The following HEATR5A variants were observed in gnomAD, a reference collection of about 807,000 sequenced individuals.
HEATR5A encodes the protein HEAT repeat containing 5A.
HEATR5A carries 178 observed loss-of-function variants against 218.8 expected under a neutral mutation model. The observed-to-expected ratio is 0.81, with a 90% CI of 0.72 to 0.92. HEATR5A has a LOEUF of 0.92. Among genes scored for constraint, HEATR5A ranks in the 40% least tolerant of loss-of-function variants. The pLI, the probability that HEATR5A is intolerant of heterozygous loss-of-function variation, is 0.00. For missense variants in HEATR5A, 2,420 were observed against 2,418.9 expected, an observed-to-expected ratio of 1.00 and a Z score of -0.01; for synonymous variants, 864 against 871.6, an observed-to-expected ratio of 0.99 and a Z score of 0.15.
At chr14:31,386,369 ACAAAGTT>A in intron 9 of HEATR5A, 44 bp downstream of exon 9, 1 of 1,443,394 alleles carries the variant, frequency 6.9e-7, no homozygotes, top group Admixed American at 2.2e-5. Context: ...CTTCCTTGGA[ACAAAGTT>A]ATCTAGTGTA....
At chr14:31,411,155 T>C (rs1423752715) in intron 1 of HEATR5A, among the ~76,000 whole-genome samples, 1 of 151,874 alleles carries the variant, frequency 6.6e-6, no homozygotes, top group Non-Finnish European at 1.5e-5. Context: ...TAGAAAAAAA[T>C]ATTATTTATC....
At chr14:31,346,473 C>G (rs565269806) in intron 19 of HEATR5A, among the ~76,000 whole-genome samples, 1 of 152,136 alleles carries the variant, frequency 6.6e-6, no homozygotes, top group South Asian at 2.1e-4. Flanking sequence ...GGTGGTTATA[C>G]TGGATCTTAA....
At chr14:31,359,729 C>CAAAAAAAAAAAAAAA (rs376157768) in intron 14 of HEATR5A, among the ~76,000 whole-genome samples, 3 of 32,198 alleles carry the variant, frequency 9.3e-5, no homozygotes, top group African/African-American at 2.5e-4. Flanking sequence ...CATCTCAAGA[C>CAAAAAAAAAAAAAAA]AAAAAAAAAA....
At chr14:31,379,437 A>C (rs1446537751) in intron 11 of HEATR5A, among the ~76,000 whole-genome samples, 1 of 151,302 alleles carries the variant, frequency 6.6e-6, no homozygotes, top group East Asian at 1.9e-4. Flanking sequence ...TTTAGTAGAG[A>C]TGGGGTTTCA....
At chr14:31,418,926 T>TA (rs551417573) in intron 1 of HEATR5A, among the ~76,000 whole-genome samples, 16 of 152,250 alleles carry the variant, frequency 1.1e-4, no homozygotes, top group Middle Eastern at 3.4e-3. Context: ...TAAAGACAAG[T>TA]AAAAAAATAA....
intron 28 of HEATR5A, among the ~76,000 whole-genome samples, chr14:31,311,656 C>T (rs1193436324): frequency 6.6e-6 from 1 of 151,326 alleles, no homozygotes; most frequent in Non-Finnish European, 1.5e-5. Context: ...CAACCACAAA[C>T]GAATAGTGTT....
rs80009860 is a variant in HEATR5A at position 31,358,142 on chromosome 14, T to C, written c.2411+495A>G. On this transcript the variant is annotated intron_variant, in intron 16 of 35. Transcript: ENST00000543095. ...AAAACCTCCTCCTATCCCTACGCCA[T>C]GGACGAACTGTCTTTCGCCATACTG... Among the ~76,000 whole-genome samples, 1,328 of 152,314 alleles carry C rather than the reference T, an allele frequency of 8.7e-3. 17 individuals are homozygous for C. Among genetic ancestry groups the C allele is most frequent in the African/African-American group, 0.03 (1,237 of 41,556 alleles).
In HEATR5A at chr14:31,343,923, G is replaced by C. The variant is rs779431459; in HGVS notation, c.3201C>G (p.Asn1067Lys). 1 of 1,607,854 alleles carries C rather than the reference G, an allele frequency of 6.2e-7. No individual in the cohort carries two copies. The highest frequency in any genetic ancestry group is 1.1e-5 in the South Asian group (1 of 89,558). Residue 1067 changes from asparagine (N) to lysine (K), a missense_variant, in exon 21 of 36, where the codon AAC (asparagine) becomes AAG (lysine). Asn to Lys is a moderately conservative substitution (Grantham distance 94, BLOSUM62 0). Coordinates refer to ENST00000543095, the MANE Select transcript of HEATR5A (RefSeq NM_015473.4). ...QLHMFAPRHVNLSSLVSCLCV... is the reference protein window; with the variant it reads ...QLHMFAPRHVKLSSLVSCLCV... Reference sequence around the variant, plus strand: ...AGAGGCAGCTAACCAGGCTAGACAAGTTGACATGTCGTGGAGCAAACATAT... The same window carrying C: ...AGAGGCAGCTAACCAGGCTAGACAACTTGACATGTCGTGGAGCAAACATAT...
intron 1 of HEATR5A, among the ~76,000 whole-genome samples, chr14:31,407,166 C>T (rs2031099193): frequency 6.6e-6 from 1 of 152,038 alleles, no homozygotes; most frequent in African/African-American, 2.4e-5. Flanking sequence ...TGGTGCACAC[C>T]TGCAGTCCCA....
Position 31,308,872 on chromosome 14 carries a change from C to T in HEATR5A, c.4690+62G>A, listed in dbSNP as rs543829868. ...CCTGGGTGAAAGAGCAAAACTCCAT[C>T]TCAAAAAAAAAAAAACAAAAAACCC... On this transcript the variant is annotated intron_variant, in intron 29 of 35. Transcript: ENST00000543095. 3.7e-6 allele frequency: 5 copies of T among 1,351,122 alleles called. No individual in the cohort carries two copies. The Middle Eastern group carries it at 7.3e-4, about 199-fold the overall frequency. The allele number at this position is 1,351,122 out of a possible 1,614,324, so 83.7% of individuals were successfully genotyped here. A position where few individuals can be genotyped will look rare whatever the true frequency, so the allele number is the denominator to read the frequency against.
rs375532231 is a variant in HEATR5A, at chr14:31,386,582, G to C, written c.1190-7C>G. ...CCATCACTCATTACGGCATCTGATA[G>C]AAATGCAAGAATTAACTATGCATAA... On this transcript the variant is annotated splice_polypyrimidine_tract_variant and splice_region_variant and intron_variant, in intron 8 of 35. Coordinates refer to ENST00000543095, the MANE Select transcript of HEATR5A (RefSeq NM_015473.4). The C allele has an allele frequency of 8.3e-6, 13 of 1,565,208 alleles. No individual in the cohort carries two copies. In the African/African-American group the frequency reaches 1.8e-4, roughly 21 times the overall value.
rs528958529 is a variant in HEATR5A, at chr14:31,347,723, G to A, written c.2868+25C>T. 2.0e-6 allele frequency: 3 copies of A among 1,489,812 alleles called. No homozygotes were observed. In the African/African-American group the frequency reaches 4.3e-5, roughly 21 times the overall value. The allele number at this position is 1,489,812 out of a possible 1,614,324, so 92.3% of individuals were successfully genotyped here. On this transcript the variant is annotated intron_variant, in intron 19 of 35. Coordinates refer to ENST00000543095, the MANE Select transcript of HEATR5A (RefSeq NM_015473.4). Reference sequence around the variant, plus strand: ...ATCATCTAAAAATCATGAATTTCAAGGGAAGTATCACATGAGGTACCCACC... The same window carrying A: ...ATCATCTAAAAATCATGAATTTCAAAGGAAGTATCACATGAGGTACCCACC...
intron 3 of HEATR5A, 63 bp from the exon 4 acceptor site, chr14:31,398,844 G>T: frequency 1.2e-6 from 1 of 863,960 alleles, no homozygotes; most frequent in South Asian, 1.5e-5. Context: ...AAAGATCTTA[G>T]GATATGTAAG....
At chr14:31,412,236 G>A (rs367559806) in intron 1 of HEATR5A, among the ~76,000 whole-genome samples, 2 of 152,208 alleles carry the variant, frequency 1.3e-5, no homozygotes, top group East Asian at 3.9e-4. Context: ...ACTTAAAAGA[G>A]GGCATTTCTG....
intron 5 of HEATR5A, 21 bp from the exon 6 acceptor site, chr14:31,394,247 A>G: frequency 7.1e-7 from 1 of 1,398,958 alleles, no homozygotes; most frequent in Non-Finnish European, 9.4e-7. Flanking sequence ...GGACAAAGAG[A>G]AATTAATGAA....
At chr14:31,311,878 T>A (rs1595085209) in intron 28 of HEATR5A, among the ~76,000 whole-genome samples, 1 of 152,210 alleles carries the variant, frequency 6.6e-6, no homozygotes, top group Admixed American at 6.5e-5. Context: ...TATATCCTAA[T>A]GTGATCTGTA....
At chr14:31,360,440 T>A (rs368769379) in intron 14 of HEATR5A, among the ~76,000 whole-genome samples, 1 of 152,190 alleles carries the variant, frequency 6.6e-6, no homozygotes, top group Admixed American at 6.5e-5. Context: ...ATAAGTGGTA[T>A]TGTGTTCTCC....
chr14:31,360,403 T>C (rs1278713990), intron 14 of HEATR5A, among the ~76,000 whole-genome samples: 1 of 152,172 alleles, frequency 6.6e-6, no homozygotes, highest in Non-Finnish European at 1.5e-5. Context: ...CTTTTGGTGA[T>C]GGGCAGGGTG....
chr14:31,380,157 G>A (rs933855171), intron 11 of HEATR5A, among the ~76,000 whole-genome samples: 2 of 152,156 alleles, frequency 1.3e-5, no homozygotes, highest in Non-Finnish European at 2.9e-5. Flanking sequence ...TCTGAAGATG[G>A]ATGTCAATGA....
Sources: gnomAD v4.1 joint callset for allele counts (sites outside exome capture counted in the v4.1 genomes callset) on GRCh38, gnomAD v4.1.1 for gene constraint, MANE v1.5 for transcripts, NCBI Gene and HGNC (gene_info 2026-07-23, HGNC 2026-07-21) for gene names.